Variants in CHN2 observed in about 807,000 individuals in gnomAD.
CHN2 encodes beta-chimaerin.
A neutral mutation model predicts 56.3 loss-of-function variants in CHN2; 35 were observed. The observed-to-expected ratio is 0.62, with a 90% confidence interval of 0.47 to 0.82. The LOEUF is 0.82. CHN2 is among the 40% of genes least tolerant of loss of function. The pLI is 0.00. For missense variants in CHN2, 491 were observed against 580.5 expected, an observed-to-expected ratio of 0.85 and a Z score of 1.58; for synonymous variants, 210 against 212.8, an observed-to-expected ratio of 0.99 and a Z score of 0.12.
At chr7:29,491,699 C>A (rs1788687116) in intron 7 of CHN2, among the ~76,000 whole-genome samples, 1 of 152,194 alleles carries the variant, frequency 6.6e-6, no homozygotes, top group Non-Finnish European at 1.5e-5. Context: ...AGCTACCACA[C>A]CCAGCCATAT....
Position 29,314,920 on chromosome 7 carries a change from C to T in CHN2, c.50-39705C>T, listed in dbSNP as rs558188394. Among the ~76,000 whole-genome samples, 12 of 151,624 alleles carry T rather than the reference C, an allele frequency of 7.9e-5. No homozygotes were observed. In the South Asian group the frequency reaches 1.0e-3, roughly 13 times the overall value. ...TAATCAAGCTGCCACTTGATTAAAA[C>T]GACATCTTGGGTTTATGTGGGCAAG... is the stretch of plus-strand genomic sequence containing the variant. On this transcript the variant is annotated intron_variant, in intron 1 of 12. Coordinates refer to ENST00000222792, the MANE Select transcript of CHN2 (RefSeq NM_004067.4).
chr7:29,484,774 A>G (rs991884082), intron 7 of CHN2, among the ~76,000 whole-genome samples: 2 of 152,238 alleles, frequency 1.3e-5, no homozygotes, highest in African/African-American at 4.8e-5. Flanking sequence ...TGACATTTTC[A>G]GGAACCCTCA....
chr7:29,169,822 G>A (rs1277766916), intron 2 of CHN2, among the ~76,000 whole-genome samples: 1 of 150,142 alleles, frequency 6.7e-6, no homozygotes. Context: ...GGGATAAGAT[G>A]TATATATATA....
At chr7:29,298,500 C>T (rs1041364802) in intron 1 of CHN2, among the ~76,000 whole-genome samples, 4 of 152,154 alleles carry the variant, frequency 2.6e-5, no homozygotes, top group Admixed American at 2.0e-4. Flanking sequence ...GTGACATGCC[C>T]AGGTAACTGG....
chr7:29,254,672 A>T (rs970875782), intron 1 of CHN2, among the ~76,000 whole-genome samples: 5 of 152,134 alleles, frequency 3.3e-5, no homozygotes, highest in South Asian at 4.2e-4. Flanking sequence ...GGGACTGGAC[A>T]TGAGAATCTC....
At chr7:29,159,485 G>A (rs1244747056) in intron 2 of CHN2, among the ~76,000 whole-genome samples, 1 of 152,198 alleles carries the variant, frequency 6.6e-6, no homozygotes, top group Non-Finnish European at 1.5e-5. Context: ...TTTTTAAAAA[G>A]TAAAGCACTT....
intron 1 of CHN2, among the ~76,000 whole-genome samples, chr7:29,273,482 C>T (rs1188286865): frequency 6.7e-6 from 1 of 149,614 alleles, no homozygotes; most frequent in Admixed American, 6.7e-5. Flanking sequence ...ACAGTGAACA[C>T]GGGAGTGCAG....
intron 6 of CHN2, among the ~76,000 whole-genome samples, chr7:29,415,724 G>A (rs1009007069): frequency 6.6e-6 from 1 of 152,182 alleles, no homozygotes; most frequent in African/African-American, 2.4e-5. Flanking sequence ...GGAGCTGCCT[G>A]CAGTGTGATT....
At chr7:29,200,505 T>C (rs562441263) in intron 1 of CHN2, among the ~76,000 whole-genome samples, 68 of 133,640 alleles carry the variant, frequency 5.1e-4, no homozygotes, top group African/African-American at 1.8e-3. Context: ...TTTTCTTCTC[T>C]CATCTGTTGT....
chr7:29,381,671 G>A (rs576659960), intron 3 of CHN2, among the ~76,000 whole-genome samples: 1 of 151,968 alleles, frequency 6.6e-6, no homozygotes, highest in Non-Finnish European at 1.5e-5. Context: ...TCTCAGTCCT[G>A]GGTGTGAGTC....
chr7:29,431,337 G>A (rs1347011744), intron 6 of CHN2, among the ~76,000 whole-genome samples: 1 of 152,212 alleles, frequency 6.6e-6, no homozygotes, highest in Non-Finnish European at 1.5e-5. Context: ...GGATTATAGA[G>A]TTAAATCTCT....
At chr7:29,386,443 G>C (rs1218523489) in intron 3 of CHN2, among the ~76,000 whole-genome samples, 3 of 152,124 alleles carry the variant, frequency 2.0e-5, no homozygotes, top group African/African-American at 7.2e-5. Flanking sequence ...TTTCTATTAA[G>C]TAAAAACTTA....
At chr7:29,492,012 C>G (rs550184147) in intron 7 of CHN2, among the ~76,000 whole-genome samples, 1 of 152,268 alleles carries the variant, frequency 6.6e-6, no homozygotes, top group African/African-American at 2.4e-5. Context: ...CTCCTAGATT[C>G]AATTTGCTTC....
intron 6 of CHN2, among the ~76,000 whole-genome samples, chr7:29,459,098 C>T (rs956475973): frequency 1.3e-5 from 2 of 152,200 alleles, no homozygotes; most frequent in Non-Finnish European, 2.9e-5. Context: ...TCTCGGGAAT[C>T]CTTTGGTATT....
intron 1 of CHN2, among the ~76,000 whole-genome samples, chr7:29,234,177 A>G (rs1786989319): frequency 6.6e-6 from 1 of 152,156 alleles, no homozygotes; most frequent in Non-Finnish European, 1.5e-5. Flanking sequence ...TCAGACCTCC[A>G]GAACTGTTGT....
Position 29,322,816 on chromosome 7 carries a change from T to G in CHN2, c.50-31809T>G, listed in dbSNP as rs1438443634. Among the ~76,000 whole-genome samples, 5 of 152,174 alleles carry G rather than the reference T, an allele frequency of 3.3e-5. No individual in the cohort carries two copies. The East Asian group carries it at 9.7e-4, about 29-fold the overall frequency. ...CACTGTGTAGCCATGCCTAACAGCT[T>G]CTTGTAATGGGGAACGACCTACCTC... On this transcript the variant is annotated intron_variant, in intron 1 of 12. Transcript: ENST00000222792.
rs140157490 is a variant in CHN2, at chr7:29,163,798, T to C, written c.274+16838T>C. Among the ~76,000 whole-genome samples, 266 of 152,360 alleles carry C rather than the reference T, an allele frequency of 1.7e-3. 1 individual carries two copies. The highest frequency in any genetic ancestry group is 6.1e-3 in the African/African-American group (255 of 41,586). ...AAATAAATACAATTATATTAATTGG[T>C]ATCTTTCACTTTGTGTAGTTACTTT... is the stretch of plus-strand genomic sequence containing the variant. On this transcript the variant is annotated intron_variant, in intron 2 of 6. Coordinates refer to the CHN2 transcript ENST00000439384.
At chr7:29,338,276 G>A (rs1796776142) in intron 1 of CHN2, among the ~76,000 whole-genome samples, 1 of 152,152 alleles carries the variant, frequency 6.6e-6, no homozygotes, top group African/African-American at 2.4e-5. Context: ...TCCTCTGTGG[G>A]CTTCAGATTC....
At chr7:29,511,137 TGAAA>T (rs1791307339) in intron 12 of CHN2, among the ~76,000 whole-genome samples, 1 of 28,482 alleles carries the variant, frequency 3.5e-5, no homozygotes, top group Admixed American at 3.0e-4. Context: ...ACTTAGTATG[TGAAA>T]AGAAGCAAAC....
Sources: gnomAD v4.1 joint callset for allele counts (sites outside exome capture counted in the v4.1 genomes callset) on GRCh38, gnomAD v4.1.1 for gene constraint, MANE v1.5 for transcripts, NCBI Gene and HGNC (gene_info 2026-07-23, HGNC 2026-07-21) for gene names.